Variants in SPG7 observed in about 807,000 individuals in gnomAD.
The protein encoded by SPG7 is mitochondrial inner membrane m-AAA protease component paraplegin.
Under a neutral mutation model 81.9 loss-of-function variants are expected in SPG7, and 103 were observed. The ratio of observed to expected loss-of-function variants is 1.26; its 90% CI spans 1.07 to 1.48. The LOEUF (loss-of-function observed/expected upper bound fraction) is 1.48, where lower values mean the gene tolerates loss of function less well. Among genes scored for constraint, SPG7 ranks in the 40% most tolerant of loss-of-function variants. SPG7 has a pLI of 0.00. For missense variants in SPG7, 1,241 were observed against 1,087.3 expected, an observed-to-expected ratio of 1.14 and a Z score of -1.99; for synonymous variants, 534 against 444.2, an observed-to-expected ratio of 1.20 and a Z score of -2.54.
At chr16:89,547,788 T>G (rs989315746) in intron 11 of SPG7, 1 of 519,746 alleles carries the variant, frequency 1.9e-6, no homozygotes, top group African/African-American at 1.9e-5. Context: ...AATTTTTGTA[T>G]TTTTAGTAGC....
Position 89,524,089 on chromosome 16 carries a change from C to A in SPG7, c.460C>A (p.Leu154Ile). The A allele has an allele frequency of 6.2e-7, 1 of 1,614,060 alleles. No homozygotes were observed. ...TLLVIAVVMSLLNALSTSGGS... is the reference protein window; with the variant it reads ...TLLVIAVVMSILNALSTSGGS... ...GCTGGTCATCGCGGTTGTCATGAGC[C>A]TCCTGAATGCTCTCAGCACCAGCGG... The change falls in exon 4 of 17, where the codon CTC (leucine) becomes ATC (isoleucine). Residue 154 changes from leucine (L) to isoleucine (I), a missense_variant. By Grantham distance (5) the Leu-to-Ile change is conservative. Transcript: ENST00000645818.
rs756221074 is a variant in SPG7, at chr16:89,554,643, A to C, written c.2181+80A>C. 9.9e-6 allele frequency: 9 copies of C among 911,988 alleles called. No homozygotes were observed. The South Asian group carries it at 1.2e-4, about 13-fold the overall frequency. 56.5% of individuals were successfully genotyped at this position (911,988 alleles called of 1,614,324 possible). On this transcript the variant is annotated intron_variant, in intron 16 of 16. Transcript: ENST00000645818. ...CCCACGGTCCCCACCCCTCTCGTGA[A>C]GTATTTCCAAGGCACACAGAGTACA...
chr16:89,510,688 C>T (rs1369422664), intron 2 of SPG7, 96 bp downstream of exon 2: 15 of 790,088 alleles, frequency 1.9e-5, no homozygotes, highest in Non-Finnish European at 3.1e-5. Context: ...GAGACGGGAT[C>T]TCGCCCTGTT....
intron 3 of SPG7, among the ~76,000 whole-genome samples, chr16:89,514,839 A>T (rs751799531): frequency 6.6e-6 from 1 of 151,782 alleles, no homozygotes; most frequent in Non-Finnish European, 1.5e-5. Flanking sequence ...CTTGTTGGCC[A>T]GGCTGGTCTC....
chr16:89,512,065 C>G (rs2058030738), intron 2 of SPG7, among the ~76,000 whole-genome samples: 1 of 151,666 alleles, frequency 6.6e-6, no homozygotes, highest in South Asian at 2.1e-4. Context: ...GTGCCCGCCA[C>G]TATGCCCGGC....
chr16:89,545,567 CG>C (rs1037895128), intron 10 of SPG7: 5 of 206,006 alleles, frequency 2.4e-5, no homozygotes, highest in Non-Finnish European at 4.9e-5. Flanking sequence ...CCAGGGGACA[CG>C]GCTTCTCCAG....
intron 1 of SPG7, 122 bp downstream of exon 1, chr16:89,508,722 C>A (rs1451794855): frequency 1.9e-6 from 2 of 1,037,374 alleles, no homozygotes; most frequent in African/African-American, 1.6e-5. Context: ...CCTGTGGGCC[C>A]GCGGATCCCC....
rs662175 is a variant in SPG7 at position 89,536,659 on chromosome 16, C to T, written c.1324+4023C>T. 4,325 of 1,362,468 alleles carry T rather than the reference C, an allele frequency of 3.2e-3. 34 individuals are homozygous for T. The highest frequency in any genetic ancestry group is 5.8e-3 in the African/African-American group (365 of 63,306). 84.4% of individuals were successfully genotyped at this position (1,362,468 alleles called of 1,614,324 possible). On this transcript the variant is annotated intron_variant, in intron 9 of 16. Coordinates refer to ENST00000645818, the MANE Select transcript of SPG7 (RefSeq NM_003119.4). ...AGGCGGGCGAGGTGGGCGAGGCAGG[C>T]GAGGCGGGTGAGATCGGGCGAGGCG... is the stretch of plus-strand genomic sequence containing the variant.
At chr16:89,550,166 C>T (rs111936480) in intron 12 of SPG7, 31 of 359,342 alleles carry the variant, frequency 8.6e-5, no homozygotes, top group Non-Finnish European at 1.5e-4. Context: ...CTCACCCCCC[C>T]GTCATTCTTT....
Position 89,510,601 on chromosome 16 carries a change from C to G in SPG7, c.286+9C>G. 6.4e-7 allele frequency: 1 copy of G among 1,550,418 alleles called. No individual in the cohort carries two copies. Among genetic ancestry groups the G allele is most frequent in the Non-Finnish European group, 8.9e-7 (1 of 1,122,282 alleles). On this transcript the variant is annotated intron_variant, in intron 2 of 16. Coordinates refer to ENST00000645818, the MANE Select transcript of SPG7 (RefSeq NM_003119.4). ...ACTCTGGCAACTTTTAGGTATGTAT[C>G]TGTTTAAAGAAGCAGCTGAGCATGA...
intron 3 of SPG7, chr16:89,522,062 G>A (rs1447288229): frequency 2.0e-5 from 3 of 152,314 alleles, no homozygotes; most frequent in Admixed American, 2.0e-4. Context: ...TCTAACAATT[G>A]GATACTCACC....
At chr16:89,530,961 C>A in intron 7 of SPG7, 153 bp downstream of exon 7, 1 of 994,760 alleles carries the variant, frequency 1.0e-6, no homozygotes, top group South Asian at 1.4e-5. Context: ...CAAGCAGGTG[C>A]TGGTGCCTGT....
At position 89,547,773 on chromosome 16, in the gene SPG7, C is replaced by T. The variant is rs2058582382; in HGVS notation, c.1553-230C>T. On this transcript the variant is annotated intron_variant, in intron 11 of 16. Coordinates refer to ENST00000645818, the MANE Select transcript of SPG7 (RefSeq NM_003119.4). ...GATTACAGGCGCTCACCACCACGCCCGGCTAATTTTTGTATTTTTAGTAGC... is the reference window on the plus strand; with the variant it reads ...GATTACAGGCGCTCACCACCACGCCTGGCTAATTTTTGTATTTTTAGTAGC... 15 of 485,650 alleles carry T rather than the reference C, an allele frequency of 3.1e-5. 1 individual carries two copies. The highest frequency in any genetic ancestry group is 1.4e-4 in the South Asian group (7 of 50,008). 30.1% of individuals were successfully genotyped at this position (485,650 alleles called of 1,614,324 possible). A position where few individuals can be genotyped will look rare whatever the true frequency, so the allele number is the denominator to read the frequency against.
intron 3 of SPG7, among the ~76,000 whole-genome samples, chr16:89,516,556 A>C (rs2058099094): frequency 6.6e-6 from 1 of 152,044 alleles, no homozygotes; most frequent in Admixed American, 6.6e-5. Context: ...TCTGTCTCAA[A>C]CATAAAAAAT....
At chr16:89,518,783 G>T (rs1463646111) in intron 3 of SPG7, 1 of 152,136 alleles carries the variant, frequency 6.6e-6, no homozygotes, top group African/African-American at 2.4e-5. Flanking sequence ...AAGGATGGGG[G>T]AAGGAGACAG....
chr16:89,522,476 G>C (rs1004714323), intron 3 of SPG7: 1 of 151,860 alleles, frequency 6.6e-6, no homozygotes, highest in Non-Finnish European at 1.5e-5. Context: ...TTCTGGAAAT[G>C]ACGTCGTTAC....
Position 89,529,778 on chromosome 16 carries a change from C to G in SPG7, c.861+199C>G, listed in dbSNP as rs938206196. The G allele has an allele frequency of 7.8e-6, 5 of 643,156 alleles. No individual in the cohort carries two copies. The African/African-American group carries it at 8.9e-5, about 11-fold the overall frequency. The allele number at this position is 643,156 out of a possible 1,614,324, so 39.8% of individuals were successfully genotyped here. A position where few individuals can be genotyped will look rare whatever the true frequency, so the allele number is the denominator to read the frequency against. On this transcript the variant is annotated intron_variant, in intron 6 of 16. Transcript: ENST00000645818. The stretch of plus-strand genomic sequence containing the variant: ...AGTAACCAATGTTGCCTGAGGGCCT[C>G]TCACCCCTAACTCTGGGGTGCCTGA...
Position 89,550,669 on chromosome 16 carries a change from C to T in SPG7, c.1779+60C>T. The T allele has an allele frequency of 1.2e-5, 14 of 1,165,060 alleles. 1 individual carries two copies. Among genetic ancestry groups the T allele is most frequent in the Non-Finnish European group, 1.8e-5 (14 of 781,374 alleles). 72.2% of individuals were successfully genotyped at this position (1,165,060 alleles called of 1,614,324 possible). On this transcript the variant is annotated intron_variant, in intron 13 of 16. Transcript: ENST00000645818. ...GGCCAAAGGTGGGTGGGGAGTCCCGCCTGTGTCTGTAGCTGACTGGGGAGT... is the reference window on the plus strand; with the variant it reads ...GGCCAAAGGTGGGTGGGGAGTCCCGTCTGTGTCTGTAGCTGACTGGGGAGT...
At chr16:89,516,340 G>C (rs569923159) in intron 3 of SPG7, among the ~76,000 whole-genome samples, 6 of 151,636 alleles carry the variant, frequency 4.0e-5, no homozygotes, top group South Asian at 4.2e-4. Context: ...CCAGGAGTTC[G>C]AGACCAGCCT....
Sources: gnomAD v4.1 joint callset for allele counts (sites outside exome capture counted in the v4.1 genomes callset) on GRCh38, gnomAD v4.1.1 for gene constraint, MANE v1.5 for transcripts, NCBI Gene and HGNC (gene_info 2026-07-23, HGNC 2026-07-21) for gene names.